The following LRRC4C variants were observed in gnomAD, a reference collection of about 807,000 sequenced individuals.
LRRC4C encodes the protein leucine rich repeat containing 4C.
A neutral mutation model predicts 33.6 loss-of-function variants in LRRC4C; 5 were observed. The ratio of observed to expected loss-of-function variants is 0.15; its 90% confidence interval spans 0.08 to 0.31. The LOEUF is 0.31. LRRC4C is among the 10% of genes least tolerant of loss of function. The probability of loss-of-function intolerance (pLI) is 1.00; values close to 1 mark genes in which losing one functional copy is unlikely to be tolerated. For synonymous variants in LRRC4C, 329 were observed against 302.0 expected, an observed-to-expected ratio of 1.09 and a Z score of -0.93; for missense variants, 560 against 796.7, an observed-to-expected ratio of 0.70 and a Z score of 3.58.
chr11:40,484,769 T>C (rs1270125073), intron 3 of LRRC4C, among the ~76,000 whole-genome samples: 1 of 152,100 alleles, frequency 6.6e-6, no homozygotes, highest in Non-Finnish European at 1.5e-5. Context: ...TAAATATAAT[T>C]CTGTGTAAGT....
intron 3 of LRRC4C, among the ~76,000 whole-genome samples, chr11:40,358,320 G>A (rs1490567476): frequency 6.6e-6 from 1 of 152,056 alleles, no homozygotes; most frequent in Non-Finnish European, 1.5e-5. Flanking sequence ...TCACTCTGTT[G>A]CCCAGGCTGG....
intron 5 of LRRC4C, among the ~76,000 whole-genome samples, chr11:40,141,977 T>C (rs552384445): frequency 1.3e-5 from 2 of 152,180 alleles, no homozygotes; most frequent in African/African-American, 4.8e-5. Flanking sequence ...TTTCTGTCCA[T>C]AGGTTTAAAT....
intron 5 of LRRC4C, among the ~76,000 whole-genome samples, chr11:40,213,336 C>T (rs952541916): frequency 7.2e-5 from 11 of 152,078 alleles, no homozygotes; most frequent in African/African-American, 2.7e-4. Context: ...AACATGATGG[C>T]ACTGAGTATT....
intron 3 of LRRC4C, among the ~76,000 whole-genome samples, chr11:40,420,051 C>T (rs1002709892): frequency 1.3e-5 from 2 of 152,114 alleles, no homozygotes; most frequent in Admixed American, 1.3e-4. Context: ...TTAGCCAACA[C>T]CTGGGGCATT....
At chr11:40,200,178 A>C (rs7106424) in intron 5 of LRRC4C, among the ~76,000 whole-genome samples, 2 of 76,230 alleles carry the variant, frequency 2.6e-5, no homozygotes, top group South Asian at 1.4e-3. Context: ...GCCTGTCTCC[A>C]CTAAAAAAAA....
chr11:40,609,404 C>A (rs1960965736), intron 3 of LRRC4C, among the ~76,000 whole-genome samples: 1 of 151,610 alleles, frequency 6.6e-6, no homozygotes, highest in Non-Finnish European at 1.5e-5. Flanking sequence ...TCGGATACAA[C>A]CAAAACAGTA....
intron 4 of LRRC4C, among the ~76,000 whole-genome samples, chr11:40,261,199 C>A (rs2136259488): frequency 6.6e-6 from 1 of 152,202 alleles, no homozygotes; most frequent in Admixed American, 6.6e-5. Flanking sequence ...GAAAACAATT[C>A]TTTTAAAATA....
At chr11:40,945,068 C>T (rs1230434841) in intron 1 of LRRC4C, among the ~76,000 whole-genome samples, 47 of 143,170 alleles carry the variant, frequency 3.3e-4, no homozygotes, top group African/African-American at 1.1e-3. Flanking sequence ...TGCTTTGTCG[C>T]CCGGGCTGGA....
chr11:41,037,604 G>A (rs367924024), intron 1 of LRRC4C, among the ~76,000 whole-genome samples: 11 of 93,252 alleles, frequency 1.2e-4, no homozygotes, highest in Non-Finnish European at 2.3e-4. Flanking sequence ...ACACACACAC[G>A]CACTAAGACA....
intron 1 of LRRC4C, among the ~76,000 whole-genome samples, chr11:41,094,120 G>GA (rs1164390788): frequency 2.3e-3 from 318 of 137,648 alleles, no homozygotes; most frequent in African/African-American, 4.8e-3. Context: ...CGTATCGGGG[G>GA]AAAAAAAAAA....
chr11:40,854,098 C>G (rs1274863066), intron 2 of LRRC4C, among the ~76,000 whole-genome samples: 1 of 152,196 alleles, frequency 6.6e-6, no homozygotes, highest in Non-Finnish European at 1.5e-5. Context: ...TCGGCAGTGG[C>G]AGCTTCTATT....
intron 2 of LRRC4C, among the ~76,000 whole-genome samples, chr11:40,792,954 A>G (rs1950685126): frequency 6.6e-6 from 1 of 151,966 alleles, no homozygotes; most frequent in Non-Finnish European, 1.5e-5. Context: ...ACTTGAACAC[A>G]GGGCAGGGAA....
At chr11:41,146,528 A>G (rs1476420059) in intron 1 of LRRC4C, among the ~76,000 whole-genome samples, 1 of 152,238 alleles carries the variant, frequency 6.6e-6, no homozygotes, top group African/African-American at 2.4e-5. Context: ...TTAGAAAAGC[A>G]AAAGTAGGAT....
chr11:41,452,669 C>G (rs187201085), intron 1 of LRRC4C, among the ~76,000 whole-genome samples: 2 of 151,996 alleles, frequency 1.3e-5, no homozygotes, highest in African/African-American at 4.8e-5. Context: ...TTTCTCTGGT[C>G]TCCTTGAATG....
At chr11:40,383,964 G>T (rs1222800849) in intron 3 of LRRC4C, among the ~76,000 whole-genome samples, 1 of 114,144 alleles carries the variant, frequency 8.8e-6, no homozygotes, top group African/African-American at 2.8e-5. Flanking sequence ...TTGCTGTTGA[G>T]TTGTATGTGT....
Position 40,501,681 on chromosome 11 carries a change from G to A in LRRC4C, c.-270+146461C>T, listed in dbSNP as rs377630486. ...AGACTGCACACAGCAGAGGGACCCT[G>A]GGCCCAGCCCACAAGACCATTTTTT... On this transcript the variant is annotated intron_variant, in intron 3 of 6. Coordinates refer to ENST00000528697, the MANE Select transcript of LRRC4C (RefSeq NM_001258419.2). Among the ~76,000 whole-genome samples, 4 of 152,224 alleles carry A rather than the reference G, an allele frequency of 2.6e-5. No homozygotes were observed. The East Asian group carries it at 7.8e-4, about 30-fold the overall frequency.
chr11:40,874,996 A>C (rs993899590), intron 2 of LRRC4C, among the ~76,000 whole-genome samples: 2 of 152,216 alleles, frequency 1.3e-5, no homozygotes, highest in African/African-American at 4.8e-5. Flanking sequence ...TACAAAAGGT[A>C]ATCAACATAG....
At chr11:40,503,444 A>C (rs887600977) in intron 3 of LRRC4C, among the ~76,000 whole-genome samples, 1 of 152,154 alleles carries the variant, frequency 6.6e-6, no homozygotes, top group Admixed American at 6.5e-5. Context: ...CCTTAAACAT[A>C]CTGTCTAACC....
At position 40,116,038 on chromosome 11, in the gene LRRC4C, C is replaced by T; in HGVS notation, c.255G>A (p.Glu85=). The part of the protein sequence containing the change: ...STNTRLLNLH[E]NQIQIIKVNS... ...TCACTTTGATGATCTGGATTTGGTT[C>T]TCATGGAGGTTCAGCAGCCGTGTGT... Residue 85 remains glutamate (E), a synonymous_variant, in exon 7 of 7, where the codon GAG becomes GAA. Transcript: ENST00000528697. 6.2e-7 allele frequency: 1 copy of T among 1,614,108 alleles called. No homozygotes were observed. The highest frequency in any genetic ancestry group is 8.5e-7 in the Non-Finnish European group (1 of 1,180,004).
Sources: gnomAD v4.1 joint callset for allele counts (sites outside exome capture counted in the v4.1 genomes callset) on GRCh38, gnomAD v4.1.1 for gene constraint, MANE v1.5 for transcripts, NCBI Gene and HGNC (gene_info 2026-07-23, HGNC 2026-07-21) for gene names.